The following JAG1 variants were observed in gnomAD, a reference collection of about 807,000 sequenced individuals.
The protein encoded by JAG1 is jagged canonical Notch ligand 1, also known as protein jagged-1.
JAG1 carries 23 observed loss-of-function variants against 148.7 expected under a neutral mutation model. That is an observed-to-expected ratio of 0.15 (90% CI 0.11 to 0.22). JAG1 has a LOEUF of 0.22. JAG1 is among the 10% of genes least tolerant of loss of function. JAG1 has a pLI of 1.00. For missense variants in JAG1, 1,054 were observed against 1,611.2 expected, an observed-to-expected ratio of 0.65 and a Z score of 5.92; for synonymous variants, 572 against 598.3, an observed-to-expected ratio of 0.96 and a Z score of 0.64.
Position 10,673,540 on chromosome 20 carries a change from G to C in JAG1, c.-10C>G. On this transcript the variant is annotated 5_prime_UTR_variant, in exon 1 of 26. Transcript: ENST00000254958. This position sits in a 1 kb window ranked among gnomAD's most constrained non-coding sequence, Gnocchi z 4.7. ...TCCGTGGGGAACGCATCGCTGCGCCGCGCGCCGCGGGCACTCGGGACGCCG... is the reference window on the plus strand; with the variant it reads ...TCCGTGGGGAACGCATCGCTGCGCCCCGCGCCGCGGGCACTCGGGACGCCG... 1 of 1,234,874 alleles carries C rather than the reference G, an allele frequency of 8.1e-7. No individual in the cohort carries two copies. The highest frequency in any genetic ancestry group is 1.6e-5 in the African/African-American group (1 of 63,930). The allele number at this position is 1,234,874 out of a possible 1,614,324, so 76.5% of individuals were successfully genotyped here. A position where few individuals can be genotyped will look rare whatever the true frequency, so the allele number is the denominator to read the frequency against.
chr20:10,657,640 T>C (rs1182546118), intron 4 of JAG1, among the ~76,000 whole-genome samples: 3 of 152,138 alleles, frequency 2.0e-5, no homozygotes, highest in Admixed American at 2.0e-4. Flanking sequence ...GCAGAGTACA[T>C]TATTGCTCAT....
At chr20:10,652,100 A>C in intron 7 of JAG1, 31 bp downstream of exon 7, 1 of 1,613,126 alleles carries the variant, frequency 6.2e-7, no homozygotes, top group Non-Finnish European at 8.5e-7. Flanking sequence ...AAAATTAGAC[A>C]AAGGGCTCTC....
chr20:10,663,978 T>C lies in JAG1; in HGVS notation c.424A>G (p.Ser142Gly), dbSNP rs1204471759. ...CGATACTTACGAACGGTGTCATTAC[T>C]GGAATCCCACGCCTCCACAAGCAAC... ...YTLLVEAWDS[S>G]NDTVQPDSII... Residue 142 changes from serine to glycine, a missense_variant, in exon 3 of 26, where the codon AGT (serine) becomes GGT (glycine). Coordinates refer to ENST00000254958, the MANE Select transcript of JAG1 (RefSeq NM_000214.3). 1 of 1,613,868 alleles carries C rather than the reference T, an allele frequency of 6.2e-7. No individual in the cohort carries two copies. The highest frequency in any genetic ancestry group is 8.5e-7 in the Non-Finnish European group (1 of 1,179,756).
intron 2 of JAG1, among the ~76,000 whole-genome samples, chr20:10,664,405 C>T (rs974397592): frequency 6.7e-6 from 1 of 148,612 alleles, no homozygotes; most frequent in East Asian, 1.9e-4. Context: ...CACACACACA[C>T]ACACACAAAG....
rs373260040 is a variant in JAG1 at position 10,639,757 on chromosome 20, G to T, written c.3398C>A (p.Thr1133Lys). The stretch of plus-strand genomic sequence containing the variant: ...GTTCTCATAATCCTTGATGGGGACC[G>T]TGTTGGCCCCATGTTTCTCAATGGG... Reference protein sequence around the residue: ...KNPIEKHGANTVPIKDYENKN... With the variant: ...KNPIEKHGANKVPIKDYENKN... Residue 1133 changes from threonine to lysine, a missense_variant, in exon 26 of 26, where the codon ACG (threonine) becomes AAG (lysine). By Grantham distance (78) the Thr-to-Lys change is moderately conservative (BLOSUM62 -1). Around this residue, in one of 6 missense-constraint regions of JAG1, gnomAD observed 177 missense variants for 177.3 expected, o/e 1.00. Coordinates refer to ENST00000254958, the MANE Select transcript of JAG1 (RefSeq NM_000214.3). 6.2e-7 allele frequency: 1 copy of T among 1,613,874 alleles called. No homozygotes were observed.
At chr20:10,656,793 C>A (rs1354574776) in intron 4 of JAG1, among the ~76,000 whole-genome samples, 2 of 151,644 alleles carry the variant, frequency 1.3e-5, no homozygotes, top group Non-Finnish European at 2.9e-5. Flanking sequence ...TCTGCCCACA[C>A]CCTTTTCATT....
Position 10,673,433 on chromosome 20 carries a change from C to G in JAG1, c.81+17G>C. ...GGAGAGGACGGCTGGGAGGGAGGCC[C>G]GGAGAAGGGCTCCTACCTTGGCTCG... On this transcript the variant is annotated intron_variant, in intron 1 of 25. Transcript: ENST00000254958. This position sits in a 1 kb window ranked among gnomAD's most constrained non-coding sequence, Gnocchi z 4.7. 1 of 1,444,376 alleles carries G rather than the reference C, an allele frequency of 6.9e-7. No individual in the cohort carries two copies. Among genetic ancestry groups the G allele is most frequent in the Non-Finnish European group, 9.1e-7 (1 of 1,097,396 alleles). 89.5% of individuals were successfully genotyped at this position (1,444,376 alleles called of 1,614,324 possible).
chr20:10,652,770 G>A (rs2067355590), intron 5 of JAG1, 172 bp from the exon 6 acceptor site: 2 of 612,056 alleles, frequency 3.3e-6, no homozygotes, highest in Non-Finnish European at 5.6e-6. Flanking sequence ...TTTCACAGTT[G>A]AGCTGAGGTC....
At chr20:10,640,507 A>T (rs560443651) in intron 25 of JAG1, among the ~76,000 whole-genome samples, 11 of 152,342 alleles carry the variant, frequency 7.2e-5, no homozygotes, top group Admixed American at 1.3e-4. Flanking sequence ...AGGACAAAGG[A>T]CAAGCAGTGT....
chr20:10,654,915 G>A (rs2067368969), intron 5 of JAG1, among the ~76,000 whole-genome samples: 1 of 152,190 alleles, frequency 6.6e-6, no homozygotes, highest in Admixed American at 6.5e-5. Context: ...ATCCATCTGA[G>A]CAGGCAGCAG....
At chr20:10,671,716 C>T (rs2067496086) in intron 2 of JAG1, among the ~76,000 whole-genome samples, 1 of 152,202 alleles carries the variant, frequency 6.6e-6, no homozygotes, top group Non-Finnish European at 1.5e-5. Context: ...AGAGGGCACA[C>T]CCCCAACATT....
intron 3 of JAG1, among the ~76,000 whole-genome samples, chr20:10,663,063 A>T (rs913086278): frequency 6.6e-6 from 1 of 150,496 alleles, no homozygotes; most frequent in South Asian, 2.1e-4. Flanking sequence ...AAAGATGAAA[A>T]TATATTATTC....
chr20:10,659,893 G>C (rs1008834076), intron 3 of JAG1, among the ~76,000 whole-genome samples: 1 of 152,154 alleles, frequency 6.6e-6, no homozygotes, highest in Non-Finnish European at 1.5e-5. Context: ...TACAAAAATA[G>C]CTCAAACATC....
intron 11 of JAG1, 48 bp downstream of exon 11, chr20:10,649,013 A>AT (rs1400101518): frequency 2.8e-6 from 4 of 1,451,202 alleles, no homozygotes; most frequent in Non-Finnish European, 3.9e-6. Flanking sequence ...AAATCTAAAG[A>AT]TTTGTTGTCA....
intron 5 of JAG1, among the ~76,000 whole-genome samples, chr20:10,654,656 ACTTT>A (rs2067367131): frequency 6.6e-6 from 1 of 152,192 alleles, no homozygotes; most frequent in Admixed American, 6.5e-5. Context: ...TTCTGTTTTG[ACTTT>A]CTTTCAAGGT....
rs33929314 is a variant in JAG1 at position 10,673,166 on chromosome 20, CA to C, written c.82-161del. On this transcript the variant is annotated intron_variant, in intron 1 of 25. Transcript: ENST00000254958. This position sits in a 1 kb window ranked among gnomAD's most constrained non-coding sequence, Gnocchi z 4.7. Reference sequence around the variant, plus strand: ...TCAAGGACTCAACATGATTCCGGGGCAAAAAAAAAAAAAAATGCACGAGTGC... The same window carrying C: ...TCAAGGACTCAACATGATTCCGGGGCAAAAAAAAAAAAAATGCACGAGTGC... The C allele has an allele frequency of 0.36, 208,107 of 574,862 alleles. 11,536 individuals carry two copies. The highest frequency in any genetic ancestry group is 0.4 in the Middle Eastern group (864 of 2,184). 35.6% of individuals were successfully genotyped at this position (574,862 alleles called of 1,614,324 possible).
At chr20:10,670,868 A>T (rs912423862) in intron 2 of JAG1, among the ~76,000 whole-genome samples, 4 of 152,134 alleles carry the variant, frequency 2.6e-5, no homozygotes, top group South Asian at 2.1e-4. Context: ...CGCCTCTCCT[A>T]CCCTCCCACA....
rs756577640 is a variant in JAG1 at position 10,647,122 on chromosome 20, A to G, written c.1721-19T>C. ...TCAATCACTAGAAGATAGGCTTGGG[A>G]TCAGATCACAGCCATGCACCCACAG... On this transcript the variant is annotated intron_variant, in intron 13 of 25. Coordinates refer to ENST00000254958, the MANE Select transcript of JAG1 (RefSeq NM_000214.3). 2.5e-5 allele frequency: 41 copies of G among 1,613,998 alleles called. No individual in the cohort carries two copies. Among genetic ancestry groups the G allele is most frequent in the Non-Finnish European group, 4.2e-6 (5 of 1,179,950 alleles).
chr20:10,648,147 C>G, intron 12 of JAG1, 37 bp from the exon 13 acceptor site: 1 of 1,613,476 alleles, frequency 6.2e-7, no homozygotes, highest in Non-Finnish European at 8.5e-7. Context: ...GGGGAGGGAT[C>G]AGAGTAAAAC....
Sources: allele counts gnomAD v4.1 joint callset (sites outside exome capture counted in the v4.1 genomes callset), GRCh38; gene constraint gnomAD v4.1.1; regional missense constraint gnomAD v4.1.1; non-coding constraint Gnocchi (gnomAD v3.1); transcripts MANE v1.5; gene names NCBI Gene and HGNC (gene_info 2026-07-23, HGNC 2026-07-21).